Variants in CEP112 observed in about 807,000 individuals in gnomAD.
CEP112 encodes centrosomal protein of 112 kDa.
Under a neutral mutation model 153.0 loss-of-function variants are expected in CEP112, and 127 were observed. The observed-to-expected ratio is 0.83, with a 90% CI of 0.72 to 0.96. The LOEUF (loss-of-function observed/expected upper bound fraction) is 0.96. Among genes scored for constraint, CEP112 ranks in the 40% least tolerant of loss-of-function variants. CEP112 has a pLI of 0.00. For synonymous variants in CEP112, 358 were observed against 374.4 expected, an observed-to-expected ratio of 0.96 and a Z score of 0.51; for missense variants, 1,089 against 1,101.2, an observed-to-expected ratio of 0.99 and a Z score of 0.16.
chr17:66,121,298 CTT>C (rs2069575259), intron 6 of CEP112, among the ~76,000 whole-genome samples: 1 of 151,710 alleles, frequency 6.6e-6, no homozygotes, highest in Non-Finnish European at 1.5e-5. Context: ...AAAGATTTCT[CTT>C]TGTTTCTCAG....
intron 21 of CEP112, among the ~76,000 whole-genome samples, chr17:65,771,403 AGAAAT>A (rs2053347104): frequency 6.6e-6 from 1 of 152,192 alleles, no homozygotes; most frequent in Admixed American, 6.5e-5. Context: ...AAAACCTGAC[AGAAAT>A]GAAAGGATAA....
intron 6 of CEP112, among the ~76,000 whole-genome samples, chr17:66,099,992 G>C (rs144978698): frequency 6.6e-6 from 1 of 151,350 alleles, no homozygotes; most frequent in African/African-American, 2.4e-5. Context: ...ATAACTTCAG[G>C]CATAAAAATA....
At chr17:65,950,699 CTAG>C (rs111958511) in intron 18 of CEP112, among the ~76,000 whole-genome samples, 2,201 of 147,144 alleles carry the variant, frequency 0.015, 41 homozygotes, top group African/African-American at 0.044. Context: ...GGATACATTA[CTAG>C]TAGTAGTAGT....
chr17:65,879,929 A>G (rs2058998609), intron 20 of CEP112, among the ~76,000 whole-genome samples: 1 of 151,940 alleles, frequency 6.6e-6, no homozygotes. Flanking sequence ...AAAGACAATA[A>G]ACAACAACAA....
chr17:65,989,153 T>A (rs751763227), intron 17 of CEP112, among the ~76,000 whole-genome samples: 2 of 148,506 alleles, frequency 1.3e-5, no homozygotes, highest in Admixed American at 1.4e-4. Flanking sequence ...AAGAATGGCA[T>A]GAACCCAGGA....
chr17:65,762,607 G>A (rs1598498387), intron 21 of CEP112, among the ~76,000 whole-genome samples: 1 of 151,578 alleles, frequency 6.6e-6, no homozygotes, highest in Non-Finnish European at 1.5e-5. Flanking sequence ...ATTTTTTACT[G>A]GTTGCCCTAG....
In CEP112 at chr17:66,005,690, T is replaced by C. The variant is rs1568367877; in HGVS notation, c.1736A>G (p.Lys579Arg). Reference sequence around the variant, plus strand: ...TCAAATGCATTACAATTTTACTCACTTCAAAGCTTCCTCAAATTTATGAAT... The same window carrying C: ...TCAAATGCATTACAATTTTACTCACCTCAAAGCTTCCTCAAATTTATGAAT... Reference protein sequence around the residue: ...KKIHKFEEALKEKEEQLTRVT... With the variant: ...KKIHKFEEALREKEEQLTRVT... Residue 579 changes from lysine (K) to arginine (R), a missense_variant and splice_region_variant, in exon 17 of 27, where the codon AAG becomes AGG. By Grantham distance (26) the Lys-to-Arg change is conservative. Transcript: ENST00000535342. 1.2e-6 allele frequency: 2 copies of C among 1,608,246 alleles called. No individual in the cohort carries two copies. Among genetic ancestry groups the C allele is most frequent in the Admixed American group, 3.4e-5 (2 of 58,970 alleles).
chr17:65,848,620 CTG>C (rs2057810736), intron 21 of CEP112, among the ~76,000 whole-genome samples: 1 of 152,138 alleles, frequency 6.6e-6, no homozygotes, highest in Non-Finnish European at 1.5e-5. Flanking sequence ...CAGGCCTTCT[CTG>C]TGGGTGATTC....
intron 24 of CEP112, among the ~76,000 whole-genome samples, chr17:65,685,933 T>C (rs1226843397): frequency 6.6e-6 from 1 of 152,090 alleles, no homozygotes; most frequent in African/African-American, 2.4e-5. Context: ...AAAGTGCTGG[T>C]ATTACAGGCA....
At chr17:65,875,145 T>C (rs2058781225) in intron 20 of CEP112, among the ~76,000 whole-genome samples, 1 of 152,000 alleles carries the variant, frequency 6.6e-6, no homozygotes, top group Admixed American at 6.6e-5. Flanking sequence ...CTTTTAAATA[T>C]CTCCAAATTT....
intron 23 of CEP112, among the ~76,000 whole-genome samples, chr17:65,741,189 C>G (rs2051113095): frequency 6.6e-6 from 1 of 152,102 alleles, no homozygotes; most frequent in Admixed American, 6.5e-5. Flanking sequence ...GATAATGGAA[C>G]ATGAGATGAA....
chr17:65,716,841 T>C (rs2049554355), intron 23 of CEP112, among the ~76,000 whole-genome samples: 1 of 152,038 alleles, frequency 6.6e-6, no homozygotes, highest in Admixed American at 6.6e-5. Flanking sequence ...AGAGGGGCAT[T>C]TCAGGGACAA....
chr17:66,054,264 A>C (rs537424273), intron 11 of CEP112, among the ~76,000 whole-genome samples: 4 of 152,340 alleles, frequency 2.6e-5, no homozygotes, highest in Admixed American at 2.0e-4. Flanking sequence ...CATTGTCCCC[A>C]TTATTCATCC....
intron 19 of CEP112, among the ~76,000 whole-genome samples, chr17:65,911,498 T>C (rs2060281867): frequency 6.6e-6 from 1 of 152,120 alleles, no homozygotes; most frequent in African/African-American, 2.4e-5. Context: ...AATAATCTCT[T>C]ATGTGGTTAA....
intron 17 of CEP112, among the ~76,000 whole-genome samples, chr17:65,996,023 T>C (rs979578053): frequency 6.6e-6 from 1 of 152,058 alleles, no homozygotes; most frequent in Non-Finnish European, 1.5e-5. Context: ...TACCCAGTCT[T>C]GGGTATGTCT....
chr17:65,821,678 A>C (rs911996185), intron 21 of CEP112, among the ~76,000 whole-genome samples: 11 of 148,678 alleles, frequency 7.4e-5, no homozygotes, highest in African/African-American at 5.0e-5. Flanking sequence ...CAGCCTCCTG[A>C]GTAGCTGGGA....
intron 17 of CEP112, among the ~76,000 whole-genome samples, chr17:66,005,097 T>C (rs2145436719): frequency 6.6e-6 from 1 of 152,322 alleles, no homozygotes; most frequent in East Asian, 1.9e-4. Context: ...CAATAATTTA[T>C]GTTTTAAGTT....
intron 17 of CEP112, among the ~76,000 whole-genome samples, chr17:65,965,371 T>C (rs62064264): frequency 0.014 from 2,056 of 152,290 alleles, 12 homozygotes; most frequent in Non-Finnish European, 0.023. Flanking sequence ...TAAAATCTGG[T>C]TTCCAGTCCC....
At chr17:65,700,706 G>T (rs1298211837) in intron 23 of CEP112, among the ~76,000 whole-genome samples, 2 of 152,162 alleles carry the variant, frequency 1.3e-5, no homozygotes, top group Non-Finnish European at 2.9e-5. Flanking sequence ...AACCACAAAA[G>T]GGCCTAAGAT....
Sources: gnomAD v4.1 joint callset for allele counts (sites outside exome capture counted in the v4.1 genomes callset) on GRCh38, gnomAD v4.1.1 for gene constraint, MANE v1.5 for transcripts, NCBI Gene and HGNC (gene_info 2026-07-23, HGNC 2026-07-21) for gene names.